Variants in NEIL2 observed in about 807,000 individuals in gnomAD.
The protein encoded by NEIL2 is endonuclease 8-like 2.
A neutral mutation model predicts 22.2 loss-of-function variants in NEIL2; 23 were observed. The observed-to-expected ratio is 1.04, with a 90% CI of 0.75 to 1.47. NEIL2 has a LOEUF of 1.47. Among genes scored for constraint, NEIL2 ranks in the 40% most tolerant of loss-of-function variants. NEIL2 has a pLI of 0.00. For synonymous variants in NEIL2, 229 were observed against 164.8 expected (o/e 1.39, Z -2.99); for missense variants, 583 against 404.7 (o/e 1.44, Z -3.78).
chr8:11,778,889 C>T (rs1208477534), intron 2 of NEIL2, among the ~76,000 whole-genome samples: 1 of 124,774 alleles, frequency 8.0e-6, no homozygotes, highest in Non-Finnish European at 1.6e-5. Context: ...GAGATGGAGG[C>T]TGCAGTGAGC....
At chr8:11,772,362 G>A (rs1370155846) in intron 2 of NEIL2, among the ~76,000 whole-genome samples, 2 of 152,106 alleles carry the variant, frequency 1.3e-5, no homozygotes, top group Non-Finnish European at 2.9e-5. Flanking sequence ...ACTGCCTTTG[G>A]CTCTTCTTAG....
intron 2 of NEIL2, among the ~76,000 whole-genome samples, chr8:11,777,174 T>G (rs1563255163): frequency 1.3e-5 from 2 of 149,978 alleles, no homozygotes; most frequent in Non-Finnish European, 3.0e-5. Context: ...TTTTTTTTTG[T>G]ACAGATGGGC....
At chr8:11,772,032 G>T (rs555647996) in intron 2 of NEIL2, among the ~76,000 whole-genome samples, 1 of 152,022 alleles carries the variant, frequency 6.6e-6, no homozygotes, top group East Asian at 1.9e-4. Flanking sequence ...ATGAAACCCC[G>T]TCTCTACTAA....
intron 2 of NEIL2, among the ~76,000 whole-genome samples, chr8:11,773,428 T>C (rs1342602990): frequency 6.6e-6 from 1 of 152,040 alleles, no homozygotes; most frequent in African/African-American, 2.4e-5. Context: ...CCTAGGAACT[T>C]AGAACTGAAT....
chr8:11,779,664 C>G lies in NEIL2; in HGVS notation c.205C>G (p.Pro69Ala), dbSNP rs35400293. The G allele has an allele frequency of 3.7e-4, 595 of 1,613,832 alleles. 2 individuals are homozygous for G. In the African/African-American group the frequency reaches 7.0e-3, roughly 19 times the overall value. ...AGAAATGGGGCCCCCTGGCAGCAGC[C>G]CAACACCAGAGCCTCCACAAAAAGA... ...DEEMGPPGSSPTPEPPQKEVQ... is the reference protein window; with the variant it reads ...DEEMGPPGSSATPEPPQKEVQ... Residue 69 changes from proline to alanine, a missense_variant, in exon 3 of 5, where the codon CCA becomes GCA. Pro to Ala is a conservative substitution (Grantham distance 27). Coordinates refer to ENST00000284503, the MANE Select transcript of NEIL2 (RefSeq NM_145043.4).
At chr8:11,772,910 C>T (rs1472997519) in intron 2 of NEIL2, among the ~76,000 whole-genome samples, 1 of 152,052 alleles carries the variant, frequency 6.6e-6, no homozygotes, top group African/African-American at 2.4e-5. Context: ...TCCATCTTGC[C>T]CTCACCCCCC....
At chr8:11,780,093 C>T (rs1258431968) in intron 3 of NEIL2, 143 bp downstream of exon 3, 1 of 655,988 alleles carries the variant, frequency 1.5e-6, no homozygotes, top group Non-Finnish European at 2.6e-6. Context: ...AGAGAGGCCA[C>T]CTCTGTATCT....
At position 11,787,016 on chromosome 8, in the gene NEIL2, ATT is replaced by A. The variant is rs71725096; in HGVS notation, c.*755_*756del. 27 of 147,914 alleles carry A rather than the reference ATT, an allele frequency of 1.8e-4. No homozygotes were observed. The highest frequency in any genetic ancestry group is 4.3e-4 in the South Asian group (2 of 4,668). The allele number at this position is 147,914 out of a possible 1,614,324, so 9.2% of individuals were successfully genotyped here. A position where few individuals can be genotyped will look rare whatever the true frequency, so the allele number is the denominator to read the frequency against. ...CCATTTTGGAAAGCAGGAAAACAGGATTTTTTTTTTTTTATCTTGTTCCCTGG... is the reference window on the plus strand; with the variant it reads ...CCATTTTGGAAAGCAGGAAAACAGGATTTTTTTTTTTATCTTGTTCCCTGG... On this transcript the variant is annotated 3_prime_UTR_variant, in exon 5 of 5. Transcript: ENST00000284503.
chr8:11,786,395 G>C lies in NEIL2; in HGVS notation c.*122G>C, dbSNP rs1804959649. On this transcript the variant is annotated 3_prime_UTR_variant, in exon 5 of 5. Transcript: ENST00000284503. ...ATAGTGTGGGTCAGAGGTGCCAGTAGTATAATATTCGTCTCCCTGGAGTTA... is the reference window on the plus strand; with the variant it reads ...ATAGTGTGGGTCAGAGGTGCCAGTACTATAATATTCGTCTCCCTGGAGTTA... The C allele has an allele frequency of 3.2e-6, 3 of 950,012 alleles. No homozygotes were observed. Among genetic ancestry groups the C allele is most frequent in the Non-Finnish European group, 5.0e-6 (3 of 601,902 alleles). 58.8% of individuals were successfully genotyped at this position (950,012 alleles called of 1,614,324 possible). A position where few individuals can be genotyped will look rare whatever the true frequency, so the allele number is the denominator to read the frequency against.
intron 2 of NEIL2, among the ~76,000 whole-genome samples, chr8:11,779,212 G>A (rs1296697796): frequency 2.0e-5 from 3 of 152,212 alleles, no homozygotes; most frequent in Non-Finnish European, 2.9e-5. Context: ...TGCTCTGTAT[G>A]TGTGCATTCC....
intron 3 of NEIL2, chr8:11,782,868 A>G (rs1396274531): frequency 5.3e-6 from 2 of 380,842 alleles, no homozygotes; most frequent in Middle Eastern, 8.7e-4. Flanking sequence ...GTATGTGTGT[A>G]TGATCCAGCC....
chr8:11,775,882 C>T (rs1803865947), intron 2 of NEIL2, among the ~76,000 whole-genome samples: 1 of 152,224 alleles, frequency 6.6e-6, no homozygotes, highest in Non-Finnish European at 1.5e-5. Context: ...GCATTTTGAT[C>T]AAAGCCATTC....
chr8:11,786,481 T>A lies in NEIL2; in HGVS notation c.*208T>A. 1 of 607,340 alleles carries A rather than the reference T, an allele frequency of 1.6e-6. No homozygotes were observed. The highest frequency in any genetic ancestry group is 2.8e-5 in the East Asian group (1 of 35,660). 37.6% of individuals were successfully genotyped at this position (607,340 alleles called of 1,614,324 possible). A position where few individuals can be genotyped will look rare whatever the true frequency, so the allele number is the denominator to read the frequency against. On this transcript the variant is annotated 3_prime_UTR_variant, in exon 5 of 5. Coordinates refer to ENST00000284503, the MANE Select transcript of NEIL2 (RefSeq NM_145043.4). Reference sequence around the variant, plus strand: ...TTTATCCTTTTCTAGTTCAGTTAATTCATCCTGTTGAATTGCACCATCGTG... The same window carrying A: ...TTTATCCTTTTCTAGTTCAGTTAATACATCCTGTTGAATTGCACCATCGTG...
intron 2 of NEIL2, among the ~76,000 whole-genome samples, chr8:11,775,854 T>C (rs1438004397): frequency 2.6e-5 from 4 of 152,234 alleles, no homozygotes; most frequent in South Asian, 2.1e-4. Context: ...CTGTACCTTA[T>C]TGTCCATATC....
At chr8:11,782,424 T>C (rs1804507039) in intron 3 of NEIL2, among the ~76,000 whole-genome samples, 1 of 151,968 alleles carries the variant, frequency 6.6e-6, no homozygotes, top group African/African-American at 2.4e-5. Flanking sequence ...AAACTCCATC[T>C]CAAAAAAAAC....
At chr8:11,778,357 G>C (rs763342245) in intron 2 of NEIL2, among the ~76,000 whole-genome samples, 3 of 143,712 alleles carry the variant, frequency 2.1e-5, no homozygotes, top group Non-Finnish European at 4.5e-5. Context: ...ATAACAATCT[G>C]TGCTCAGATT....
intron 3 of NEIL2, among the ~76,000 whole-genome samples, chr8:11,781,044 T>C (rs1804375553): frequency 6.6e-6 from 1 of 152,160 alleles, no homozygotes; most frequent in Admixed American, 6.5e-5. Context: ...CGGTGGGTAT[T>C]TTTCTTGGTT....
chr8:11,785,893 A>T, intron 4 of NEIL2, 70 bp from the exon 5 acceptor site: 1 of 1,421,098 alleles, frequency 7.0e-7, no homozygotes, highest in Non-Finnish European at 9.9e-7. Flanking sequence ...CTGCCTTGTT[A>T]ACTTTGTGGG....
Position 11,779,923 on chromosome 8 carries a change from G to T in NEIL2, c.464G>T (p.Arg155Met), listed in dbSNP as rs563813073. The change falls in exon 3 of 5, where the codon AGG (arginine) becomes ATG (methionine). Residue 155 changes from arginine (R) to methionine (M), a missense_variant. Coordinates refer to ENST00000284503, the MANE Select transcript of NEIL2 (RefSeq NM_145043.4). Reference protein sequence around the residue: ...DFSRAKKANKRGDWRDPSPRL... With the variant: ...DFSRAKKANKMGDWRDPSPRL... ...TCCAGAGCCAAGAAAGCCAACAAGA[G>T]GGGGGACTGGAGGGACCCTTCCCCG... 4.3e-6 allele frequency: 7 copies of T among 1,614,058 alleles called. No homozygotes were observed. Among genetic ancestry groups the T allele is most frequent in the African/African-American group, 2.7e-5 (2 of 75,036 alleles).
Sources: allele counts gnomAD v4.1 joint callset (sites outside exome capture counted in the v4.1 genomes callset), GRCh38; gene constraint gnomAD v4.1.1; transcripts MANE v1.5; gene names NCBI Gene and HGNC (gene_info 2026-07-23, HGNC 2026-07-21).